Variants in KPNA2 observed in about 807,000 individuals in gnomAD.
The protein encoded by KPNA2 is importin subunit alpha-1.
In KPNA2, 20 loss-of-function variants were observed where a neutral mutation model predicts 53.7. The ratio of observed to expected loss-of-function variants is 0.37; its 90% CI spans 0.26 to 0.54. The LOEUF is 0.54. Ranked by LOEUF, KPNA2 falls within the 20% of genes least tolerant of loss-of-function variation. The pLI, the probability that KPNA2 is intolerant of heterozygous loss-of-function variation, is 0.83. For synonymous variants in KPNA2, 238 were observed against 227.5 expected, an observed-to-expected ratio of 1.05 and a Z score of -0.42; for missense variants, 515 against 640.3, an observed-to-expected ratio of 0.80 and a Z score of 2.11.
intron 1 of KPNA2, chr17:68,036,466 G>A (rs1413693938): frequency 6.6e-6 from 1 of 152,250 alleles, no homozygotes; most frequent in Non-Finnish European, 1.5e-5. Context: ...TAATTTTCGA[G>A]TCTGCACCTA....
Position 68,043,271 on chromosome 17 carries a change from G to C in KPNA2, c.838G>C (p.Asp280His). The C allele has an allele frequency of 6.2e-7, 1 of 1,614,162 alleles. No homozygotes were observed. Residue 280 changes from aspartate (D) to histidine (H), a missense_variant, in exon 7 of 11, where the codon GAT becomes CAT. Asp to His is a moderately conservative substitution (Grantham distance 81, BLOSUM62 -1). Transcript: ENST00000330459. The part of the protein sequence containing the change: ...DTCWAISYLT[D>H]GPNERIGMVV... ...CTGCTGGGCTATTTCCTACCTTACT[G>C]ATGGTCCAAATGAACGAATTGGCAT...
At chr17:68,041,944 C>A in intron 4 of KPNA2, 141 bp from the exon 5 acceptor site, 1 of 694,868 alleles carries the variant, frequency 1.4e-6, no homozygotes. Context: ...TCTTAGGTTC[C>A]AGAATGTCTC....
At chr17:68,039,130 T>G (rs2071223348) in intron 3 of KPNA2, among the ~76,000 whole-genome samples, 1 of 152,168 alleles carries the variant, frequency 6.6e-6, no homozygotes, top group South Asian at 2.1e-4. Flanking sequence ...TTCCTTTTTT[T>G]TTTGTTTTGA....
intron 1 of KPNA2, 182 bp downstream of exon 1, chr17:68,036,022 G>T (rs2071185194): frequency 6.6e-6 from 1 of 152,270 alleles, no homozygotes; most frequent in Non-Finnish European, 1.5e-5. Flanking sequence ...GGGTCTGCGG[G>T]TTTAGGGCGC....
At chr17:68,038,526 T>A (rs1360265026) in intron 3 of KPNA2, among the ~76,000 whole-genome samples, 1 of 152,242 alleles carries the variant, frequency 6.6e-6, no homozygotes, top group Admixed American at 6.5e-5. Flanking sequence ...CATATCCTTC[T>A]TTATGCCATA....
intron 4 of KPNA2, among the ~76,000 whole-genome samples, chr17:68,041,831 T>C (rs186827097): frequency 2.6e-5 from 4 of 152,284 alleles, no homozygotes; most frequent in Admixed American, 1.3e-4. Flanking sequence ...CTGGAGTAGA[T>C]TTCTGCAGGG....
intron 3 of KPNA2, 107 bp downstream of exon 3, chr17:68,037,602 A>C: frequency 9.2e-7 from 1 of 1,085,290 alleles, no homozygotes; most frequent in Non-Finnish European, 1.4e-6. Context: ...AACGGTTTTA[A>C]CTATCTGTGA....
chr17:68,045,560 T>G, intron 9 of KPNA2: 3 of 427,192 alleles, frequency 7.0e-6, no homozygotes, highest in Non-Finnish European at 1.2e-5. Context: ...GATCTTTGGC[T>G]CCAGTTGAAG....
chr17:68,045,056 T>G (rs1472857240), intron 9 of KPNA2, among the ~76,000 whole-genome samples: 1 of 150,790 alleles, frequency 6.6e-6, no homozygotes, highest in South Asian at 2.1e-4. Flanking sequence ...GTTTGTGTTA[T>G]TGCACTCCAG....
At chr17:68,046,072 C>G in intron 10 of KPNA2, 151 bp downstream of exon 10, 1 of 503,430 alleles carries the variant, frequency 2.0e-6, no homozygotes, top group Non-Finnish European at 3.4e-6. Context: ...ATTTGCCCCT[C>G]TAGTTTGGCT....
At chr17:68,036,063 A>T (rs1247052402) in intron 1 of KPNA2, 1 of 152,212 alleles carries the variant, frequency 6.6e-6, no homozygotes, top group Non-Finnish European at 1.5e-5. Flanking sequence ...CGGAGGCCTT[A>T]ACGCGTCGCG....
rs782050518 is a variant in KPNA2, at chr17:68,042,239, G to T, written c.457G>T (p.Glu153Ter). 6.2e-7 allele frequency: 1 copy of T among 1,614,124 alleles called. No individual in the cohort carries two copies. Among genetic ancestry groups the T allele is most frequent in the Non-Finnish European group, 8.5e-7 (1 of 1,180,030 alleles). The change falls in exon 5 of 11, where the codon GAA becomes TAA. Residue 153 changes from glutamate to a stop codon, truncating the protein, a stop_gained. Coordinates refer to ENST00000330459, the MANE Select transcript of KPNA2 (RefSeq NM_002266.4). LOFTEE classifies it high-confidence loss of function. Reference protein sequence around the residue: ...ALTNIASGTSEQTKAVVDGGA... With the variant: ...ALTNIASGTS ...CACTAACATTGCTTCTGGGACATCAGAACAAACCAAGGCTGTGGTAGATGG... is the reference window on the plus strand; with the variant it reads ...CACTAACATTGCTTCTGGGACATCATAACAAACCAAGGCTGTGGTAGATGG...
intron 9 of KPNA2, among the ~76,000 whole-genome samples, chr17:68,044,722 C>T (rs543525842): frequency 2.0e-5 from 3 of 152,256 alleles, no homozygotes; most frequent in African/African-American, 7.2e-5. Flanking sequence ...CGGAGTCAGG[C>T]GCTTATGTGG....
chr17:68,040,073 C>T (rs925808637), intron 3 of KPNA2, among the ~76,000 whole-genome samples: 22 of 145,222 alleles, frequency 1.5e-4, no homozygotes, highest in African/African-American at 4.7e-4. Context: ...AGTGAAACTC[C>T]GTCTCAAAAA....
chr17:68,044,597 A>C (rs2144220800), intron 9 of KPNA2, 94 bp downstream of exon 9: 2 of 935,196 alleles, frequency 2.1e-6, no homozygotes, highest in Non-Finnish European at 3.3e-6. Flanking sequence ...AAGTTTACTC[A>C]CTAGTAAGCC....
chr17:68,040,795 G>A (rs782518759), intron 4 of KPNA2, 29 bp downstream of exon 4: 9 of 1,369,486 alleles, frequency 6.6e-6, no homozygotes, highest in Non-Finnish European at 9.1e-6. Context: ...AGCATGGGTA[G>A]CCTAAGAAAT....
In KPNA2 at chr17:68,039,963, TCAGGTACTTGGGAGGCTGAGGCAGG is replaced by T. The variant is rs2071235841; in HGVS notation, c.214-714_214-690del. 5.1e-5 allele frequency among the ~76,000 whole-genome samples: 7 copies of T among 138,484 alleles called. No individual in the cohort carries two copies. The South Asian group carries it at 1.6e-3, about 32-fold the overall frequency. 90.9% of individuals were successfully genotyped at this position (138,484 alleles called of 152,430 possible). ...GGCATGGTGGCGCATGCCTATAATC[TCAGGTACTTGGGAGGCTGAGGCAGG>T]AGAATCGCTTGAACCCAGGAGGCGG... On this transcript the variant is annotated intron_variant, in intron 3 of 10. Transcript: ENST00000330459.
intron 5 of KPNA2, 35 bp from the exon 6 acceptor site, chr17:68,042,863 CAAAAAAA>C (rs76104168): frequency 1.2e-5 from 14 of 1,128,236 alleles, no homozygotes; most frequent in African/African-American, 3.6e-5. Flanking sequence ...AACTCCGTCT[CAAAAAAA>C]AAAAAAAAAA....
intron 1 of KPNA2, chr17:68,036,205 G>A (rs2071187745): frequency 6.6e-6 from 1 of 152,280 alleles, no homozygotes; most frequent in African/African-American, 2.4e-5. Context: ...GTGGCAGTTG[G>A]GAGCACCGTC....
Sources: gnomAD v4.1 joint callset for allele counts (sites outside exome capture counted in the v4.1 genomes callset) on GRCh38, gnomAD v4.1.1 for gene constraint, MANE v1.5 for transcripts, NCBI Gene and HGNC (gene_info 2026-07-23, HGNC 2026-07-21) for gene names.